Variants in KIF1A observed in about 807,000 individuals in gnomAD.
KIF1A encodes kinesin-like protein KIF1A.
In KIF1A, 46 loss-of-function variants were observed where a neutral mutation model predicts 227.3. The ratio of observed to expected loss-of-function variants is 0.20; its 90% CI spans 0.16 to 0.26. KIF1A has a LOEUF of 0.26. Among genes scored for constraint, KIF1A ranks in the 10% least tolerant of loss-of-function variants. The probability of loss-of-function intolerance (pLI) is 1.00; values close to 1 mark genes in which losing one functional copy is unlikely to be tolerated. For synonymous variants in KIF1A, 1,022 were observed against 1,012.8 expected (o/e 1.01, Z -0.17); for missense variants, 1,683 against 2,485.9 (o/e 0.68, Z 6.87).
At chr2:240,772,767 A>G (rs1575603100) in intron 13 of KIF1A, among the ~76,000 whole-genome samples, 171 bp from the exon 14 acceptor site, 1 of 152,140 alleles carries the variant, frequency 6.6e-6, no homozygotes, top group Middle Eastern at 3.4e-3. Flanking sequence ...GACCTCGGTG[A>G]CCCCAGCACC....
At chr2:240,734,123 G>A (rs1006208569) in intron 38 of KIF1A, among the ~76,000 whole-genome samples, 3 of 152,260 alleles carry the variant, frequency 2.0e-5, no homozygotes, top group East Asian at 1.9e-4. Flanking sequence ...CCAGAGGAGC[G>A]TGGCTGGAGC....
Position 240,717,218 on chromosome 2 carries a change from C to T in KIF1A, c.*146G>A. The stretch of plus-strand genomic sequence containing the variant: ...CACAGCTGGTCGTGTGGCACAGGTC[C>T]CCGGGCCTGGCATGGGCGTCCCCTG... On this transcript the variant is annotated 3_prime_UTR_variant, in exon 49 of 49. Coordinates refer to ENST00000498729, the MANE Select transcript of KIF1A (RefSeq NM_001244008.2). The T allele has an allele frequency of 1.5e-6, 1 of 680,860 alleles. No homozygotes were observed. Among genetic ancestry groups the T allele is most frequent in the South Asian group, 1.8e-5 (1 of 54,218 alleles). 42.2% of individuals were successfully genotyped at this position (680,860 alleles called of 1,614,324 possible).
At chr2:240,767,970 G>C (rs1052041505) in intron 17 of KIF1A, among the ~76,000 whole-genome samples, 1 of 152,216 alleles carries the variant, frequency 6.6e-6, no homozygotes, top group African/African-American at 2.4e-5. Context: ...CTGGACGAAG[G>C]GGACAGACCA....
rs963764663 is a variant in KIF1A at position 240,725,192 on chromosome 2, C to T, written c.4256+79G>A. The T allele has an allele frequency of 7.3e-5, 108 of 1,484,912 alleles. No homozygotes were observed. Among genetic ancestry groups the T allele is most frequent in the Middle Eastern group, 2.2e-4 (1 of 4,482 alleles). The allele number at this position is 1,484,912 out of a possible 1,614,324, so 92.0% of individuals were successfully genotyped here. The stretch of plus-strand genomic sequence containing the variant: ...GTGAGCTGCCGGGTGGCCCAAGGAC[C>T]GCTGCCAGGCAGAGCCCTGCCTGGC... On this transcript the variant is annotated intron_variant, in intron 40 of 48. Transcript: ENST00000498729. The surrounding 1 kb of genome is among the most constrained non-coding windows in gnomAD (Gnocchi z 5.8).
intron 1 of KIF1A, among the ~76,000 whole-genome samples, chr2:240,817,346 C>T (rs1277108838): frequency 1.3e-5 from 2 of 152,152 alleles, no homozygotes; most frequent in African/African-American, 4.8e-5. Flanking sequence ...TCCCTTTGGC[C>T]ACCCATATTG....
At chr2:240,728,302 G>A (rs942637478) in intron 38 of KIF1A, 2 of 825,852 alleles carry the variant, frequency 2.4e-6, no homozygotes, top group African/African-American at 1.8e-5. Flanking sequence ...AAAGGGCATA[G>A]AAGCAGGCAG....
At chr2:240,762,919 G>A in intron 22 of KIF1A, 100 bp downstream of exon 22, 1 of 1,378,982 alleles carries the variant, frequency 7.3e-7, no homozygotes, top group Non-Finnish European at 9.8e-7. Flanking sequence ...AGATGCAAGA[G>A]ATGGGGCCAG....
intron 28 of KIF1A, among the ~76,000 whole-genome samples, chr2:240,750,139 C>A (rs2049044765): frequency 6.6e-6 from 1 of 152,224 alleles, no homozygotes; most frequent in Non-Finnish European, 1.5e-5. Context: ...CTGCACAGCC[C>A]CCAAGGCACC....
At chr2:240,724,431 C>G (rs1169372228) in intron 40 of KIF1A, 1 of 272,676 alleles carries the variant, frequency 3.7e-6, no homozygotes, top group Middle Eastern at 1.3e-3. Flanking sequence ...CGGACAGATT[C>G]TGAGAGCACC....
At position 240,789,939 on chromosome 2, in the gene KIF1A, C is replaced by T. The variant is rs1444669853; in HGVS notation, c.107-627G>A. ...TCACAGAATATCTGTTCCTCAAACC[C>T]AGAACAAATCCATGAACACGTGATG... is the stretch of plus-strand genomic sequence containing the variant. On this transcript the variant is annotated intron_variant, in intron 2 of 48. Coordinates refer to ENST00000498729, the MANE Select transcript of KIF1A (RefSeq NM_001244008.2). This position sits in a 1 kb window ranked among gnomAD's most constrained non-coding sequence, Gnocchi z 4.8. Among the ~76,000 whole-genome samples, 1 of 152,158 alleles carries T rather than the reference C, an allele frequency of 6.6e-6. No individual in the cohort carries two copies. The highest frequency in any genetic ancestry group is 1.9e-4 in the East Asian group (1 of 5,172).
At chr2:240,816,565 G>A (rs951345825) in intron 1 of KIF1A, among the ~76,000 whole-genome samples, 35 of 152,134 alleles carry the variant, frequency 2.3e-4, no homozygotes, top group African/African-American at 8.0e-4. Flanking sequence ...ATGGCAAGCA[G>A]GAGGGACCCC....
rs1271836375 is a variant in KIF1A, at chr2:240,757,492, G to C, written c.2685C>G (p.Ser895=). Residue 895 remains serine (S), a synonymous_variant, in exon 27 of 49, where the codon TCC becomes TCG. Transcript: ENST00000498729. The surrounding 1 kb of genome is among the most constrained non-coding windows in gnomAD (Gnocchi z 6.2). ...GCTCCTCGGCAGGCTCGGTGGCGTC[G>C]GAGTCGGGGCTCGAGAAGGTGGGGG... ...TPSPTFSSPD[S]DATEPAEEQS... is the part of the protein sequence containing the mutation. The C allele has an allele frequency of 1.3e-5, 20 of 1,550,466 alleles. No homozygotes were observed. The highest frequency in any genetic ancestry group is 1.6e-5 in the Non-Finnish European group (18 of 1,146,988).
Position 240,713,779 on chromosome 2 carries a change from G to A in KIF1A, c.*3585C>T, listed in dbSNP as rs943704213. On this transcript the variant is annotated 3_prime_UTR_variant, in exon 49 of 49. Coordinates refer to ENST00000498729, the MANE Select transcript of KIF1A (RefSeq NM_001244008.2). Reference sequence around the variant, plus strand: ...GAGCCCATGGGACTGTGTTGAGTAAGAGCCACATTTATTTCTTAATTGGAC... The same window carrying A: ...GAGCCCATGGGACTGTGTTGAGTAAAAGCCACATTTATTTCTTAATTGGAC... 13 of 152,940 alleles carry A rather than the reference G, an allele frequency of 8.5e-5. No homozygotes were observed. The highest frequency in any genetic ancestry group is 2.9e-4 in the African/African-American group (12 of 41,572). 9.5% of individuals were successfully genotyped at this position (152,940 alleles called of 1,614,324 possible). A position where few individuals can be genotyped will look rare whatever the true frequency, so the allele number is the denominator to read the frequency against.
Position 240,717,179 on chromosome 2 carries a change from GC to G in KIF1A, c.*184del, listed in dbSNP as rs1171512358. ...TCTGCAAGAAGAACTGACACGCACAGCCTCTGCTGGGAGCACAGCTGGTCGT... is the reference window on the plus strand; with the variant it reads ...TCTGCAAGAAGAACTGACACGCACAGCTCTGCTGGGAGCACAGCTGGTCGT... On this transcript the variant is annotated 3_prime_UTR_variant, in exon 49 of 49. Transcript: ENST00000498729. 1 of 557,222 alleles carries G rather than the reference GC, an allele frequency of 1.8e-6. No homozygotes were observed. The highest frequency in any genetic ancestry group is 1.9e-5 in the African/African-American group (1 of 53,016). The allele number at this position is 557,222 out of a possible 1,614,324, so 34.5% of individuals were successfully genotyped here.
chr2:240,741,846 C>G (rs2048008790), intron 34 of KIF1A, among the ~76,000 whole-genome samples: 1 of 152,218 alleles, frequency 6.6e-6, no homozygotes, highest in Admixed American at 6.5e-5. Flanking sequence ...GGACCTGTCC[C>G]TCAGCTCCCA....
intron 28 of KIF1A, among the ~76,000 whole-genome samples, 190 bp from the exon 29 acceptor site, chr2:240,747,511 G>A (rs1005138285): frequency 3.3e-5 from 5 of 152,146 alleles, no homozygotes; most frequent in Admixed American, 1.3e-4. Flanking sequence ...CTGACCACCC[G>A]CCTGCCCAGG....
At chr2:240,812,290 C>T (rs13419992) in intron 1 of KIF1A, among the ~76,000 whole-genome samples, 1,985 of 152,290 alleles carry the variant, frequency 0.013, 31 homozygotes, top group African/African-American at 0.044. Flanking sequence ...GATGACAAAG[C>T]GTGCCTCAGC....
intron 10 of KIF1A, among the ~76,000 whole-genome samples, chr2:240,776,282 C>T (rs558371940): frequency 2.6e-4 from 39 of 152,360 alleles, no homozygotes; most frequent in South Asian, 1.0e-3. Context: ...TCATCTGAGT[C>T]CATGGCCCCT....
intron 8 of KIF1A, among the ~76,000 whole-genome samples, chr2:240,783,490 G>A (rs975531981): frequency 1.3e-5 from 2 of 152,160 alleles, no homozygotes; most frequent in Admixed American, 6.5e-5. Flanking sequence ...GCCTCTGGGC[G>A]CAAGGTCCTT....
Sources: allele counts gnomAD v4.1 joint callset (sites outside exome capture counted in the v4.1 genomes callset), GRCh38; gene constraint gnomAD v4.1.1; non-coding constraint Gnocchi (gnomAD v3.1); transcripts MANE v1.5; gene names NCBI Gene and HGNC (gene_info 2026-07-23, HGNC 2026-07-21).